The following ATP6V1H variants were observed in gnomAD, a reference collection of about 807,000 sequenced individuals.
The protein encoded by ATP6V1H is ATPase H+ transporting V1 subunit H, also known as V-type proton ATPase subunit H.
Under a neutral mutation model 71.7 loss-of-function variants are expected in ATP6V1H, and 39 were observed. The ratio of observed to expected loss-of-function variants is 0.54; its 90% confidence interval spans 0.42 to 0.71. The LOEUF (loss-of-function observed/expected upper bound fraction) is 0.71, where lower values mean the gene tolerates loss of function less well. Ranked by LOEUF, ATP6V1H falls within the 30% of genes least tolerant of loss-of-function variation. ATP6V1H has a pLI of 0.00. For missense variants in ATP6V1H, 509 were observed against 594.9 expected (o/e 0.86, Z 1.50); for synonymous variants, 192 against 199.3 (o/e 0.96, Z 0.31).
chr8:53,785,553 C>A (rs1341759392), intron 9 of ATP6V1H, among the ~76,000 whole-genome samples: 1 of 152,242 alleles, frequency 6.6e-6, no homozygotes, highest in Non-Finnish European at 1.5e-5. Context: ...AAGTAATTCT[C>A]CATCCAGCTT....
intron 13 of ATP6V1H, among the ~76,000 whole-genome samples, chr8:53,727,947 C>T (rs1291874984): frequency 6.6e-6 from 1 of 152,158 alleles, no homozygotes; most frequent in East Asian, 1.9e-4. Flanking sequence ...TCATTAAGTC[C>T]TGTCACTTCC....
At chr8:53,827,856 T>G (rs1355399906) in intron 4 of ATP6V1H, among the ~76,000 whole-genome samples, 2 of 152,120 alleles carry the variant, frequency 1.3e-5, no homozygotes, top group Non-Finnish European at 2.9e-5. Context: ...ATTGAAAACA[T>G]GTGGTATTTG....
intron 13 of ATP6V1H, among the ~76,000 whole-genome samples, chr8:53,724,951 T>C (rs1806759882): frequency 6.6e-6 from 1 of 151,960 alleles, no homozygotes; most frequent in South Asian, 2.1e-4. Flanking sequence ...TTAAAATATA[T>C]TTAGGTAACA....
intron 12 of ATP6V1H, among the ~76,000 whole-genome samples, chr8:53,745,682 T>A (rs1253366211): frequency 6.6e-6 from 1 of 150,494 alleles, no homozygotes; most frequent in Non-Finnish European, 1.5e-5. Context: ...GGGGCCATTT[T>A]AAACAGGAAA....
chr8:53,796,292 C>T (rs377264387), intron 8 of ATP6V1H, among the ~76,000 whole-genome samples: 5 of 151,990 alleles, frequency 3.3e-5, no homozygotes, highest in African/African-American at 9.7e-5. Flanking sequence ...TTACTGAATT[C>T]GGGGGTCAGG....
At chr8:53,772,527 G>C (rs1010481377) in intron 9 of ATP6V1H, among the ~76,000 whole-genome samples, 5 of 152,018 alleles carry the variant, frequency 3.3e-5, no homozygotes, top group Non-Finnish European at 7.4e-5. Context: ...ACAATACTAA[G>C]AGAGAGTGTT....
chr8:53,740,824 C>A (rs1807381884), intron 13 of ATP6V1H, among the ~76,000 whole-genome samples: 1 of 152,170 alleles, frequency 6.6e-6, no homozygotes, highest in South Asian at 2.1e-4. Context: ...TATTTAGTCT[C>A]AAATTAAACT....
intron 9 of ATP6V1H, among the ~76,000 whole-genome samples, chr8:53,783,190 T>C (rs1205022705): frequency 2.0e-5 from 3 of 152,134 alleles, no homozygotes; most frequent in Non-Finnish European, 4.4e-5. Context: ...TTTTGGTTGG[T>C]AAGCTATTAA....
At chr8:53,772,585 C>T (rs929558073) in intron 9 of ATP6V1H, among the ~76,000 whole-genome samples, 3 of 152,126 alleles carry the variant, frequency 2.0e-5, no homozygotes, top group African/African-American at 4.8e-5. Flanking sequence ...CAGTCTGTCA[C>T]CATTTTCCCC....
chr8:53,758,134 ATG>A (rs1318021323), intron 11 of ATP6V1H, among the ~76,000 whole-genome samples: 1 of 152,174 alleles, frequency 6.6e-6, no homozygotes, highest in African/African-American at 2.4e-5. Context: ...ATTTCAAACT[ATG>A]TGTGTTTTTA....
At chr8:53,837,008 G>C (rs1384295771) in intron 2 of ATP6V1H, among the ~76,000 whole-genome samples, 1 of 152,082 alleles carries the variant, frequency 6.6e-6, no homozygotes, top group Non-Finnish European at 1.5e-5. Flanking sequence ...AGGCGAGGTG[G>C]CAGGTGCCTG....
At chr8:53,736,641 A>G (rs1186281582) in intron 13 of ATP6V1H, among the ~76,000 whole-genome samples, 1 of 151,810 alleles carries the variant, frequency 6.6e-6, no homozygotes, top group Non-Finnish European at 1.5e-5. Context: ...TTTTGTTGCT[A>G]GCTTAGTTCA....
intron 9 of ATP6V1H, among the ~76,000 whole-genome samples, chr8:53,779,251 T>TA (rs1809008008): frequency 6.6e-6 from 1 of 152,062 alleles, no homozygotes; most frequent in Non-Finnish European, 1.5e-5. Flanking sequence ...TAAGTGCACT[T>TA]GGTACATCCA....
At chr8:53,765,457 ACAC>A (rs143496757) in intron 11 of ATP6V1H, among the ~76,000 whole-genome samples, 2,047 of 11,014 alleles carry the variant, frequency 0.19, 74 homozygotes, top group African/African-American at 0.19. Flanking sequence ...CAACAACAAC[ACAC>A]ACACACACAC....
chr8:53,783,014 G>A (rs1220588196), intron 9 of ATP6V1H, among the ~76,000 whole-genome samples: 1 of 150,910 alleles, frequency 6.6e-6, no homozygotes, highest in Non-Finnish European at 1.5e-5. Flanking sequence ...TTTTTTTGTT[G>A]TGTCTCTGCC....
intron 11 of ATP6V1H, among the ~76,000 whole-genome samples, chr8:53,763,682 C>T (rs1585759149): frequency 6.6e-6 from 1 of 152,112 alleles, no homozygotes; most frequent in East Asian, 1.9e-4. Flanking sequence ...GAAATCATCA[C>T]TCCAATCCTC....
rs766679863 is a variant in ATP6V1H at position 53,841,546 on chromosome 8, C to A, written c.113+32G>T. The A allele has an allele frequency of 2.4e-5, 38 of 1,609,712 alleles. No individual in the cohort carries two copies. The East Asian group carries it at 3.1e-4, about 13-fold the overall frequency. ...AAAAGTCTGATGCAAAAGCATATGA[C>A]TGTCCATGATTCACAGCAAATTGGT... On this transcript the variant is annotated intron_variant, in intron 2 of 13. Transcript: ENST00000359530.
chr8:53,732,833 G>GC (rs892834949), intron 13 of ATP6V1H, among the ~76,000 whole-genome samples: 1 of 152,024 alleles, frequency 6.6e-6, no homozygotes, highest in Non-Finnish European at 1.5e-5. Flanking sequence ...GAGGCCAGCA[G>GC]CCCCCCAGGA....
chr8:53,822,315 C>T (rs1810688488), intron 4 of ATP6V1H, among the ~76,000 whole-genome samples: 1 of 152,036 alleles, frequency 6.6e-6, no homozygotes, highest in Non-Finnish European at 1.5e-5. Context: ...TATAACAAAA[C>T]AAAGGTGGGA....
Sources: gnomAD v4.1 joint callset for allele counts (sites outside exome capture counted in the v4.1 genomes callset) on GRCh38, gnomAD v4.1.1 for gene constraint, MANE v1.5 for transcripts, NCBI Gene and HGNC (gene_info 2026-07-23, HGNC 2026-07-21) for gene names.